MCAT: variants seen among roughly 807,000 people sequenced by gnomAD.
MCAT encodes malonyl-CoA-acyl carrier protein transacylase, also known as malonyl-CoA-acyl carrier protein transacylase, mitochondrial.
MCAT carries 22 observed loss-of-function variants against 22.9 expected under a neutral mutation model. The ratio of observed to expected loss-of-function variants is 0.96; its 90% CI spans 0.69 to 1.37. MCAT has a LOEUF of 1.37. Among genes scored for constraint, MCAT ranks in the 40% most tolerant of loss-of-function variants. The probability of loss-of-function intolerance (pLI) is 0.00; values close to 1 mark genes in which losing one functional copy is unlikely to be tolerated. For synonymous variants in MCAT, 240 were observed against 233.9 expected, an observed-to-expected ratio of 1.03 and a Z score of -0.24; for missense variants, 534 against 533.6, an observed-to-expected ratio of 1.00 and a Z score of -0.01.
In MCAT at chr22:43,137,005, A is replaced by G. The variant is rs893048819; in HGVS notation, c.729+76T>C. Reference sequence around the variant, plus strand: ...TGGACCCAGCACCCGCCAGACTGCTAGGCCTCACGGGTGTGGAGCAGTTCC... The same window carrying G: ...TGGACCCAGCACCCGCCAGACTGCTGGGCCTCACGGGTGTGGAGCAGTTCC... On this transcript the variant is annotated intron_variant, in intron 3 of 3. Transcript: ENST00000290429. 1.3e-5 allele frequency: 17 copies of G among 1,264,874 alleles called. No individual in the cohort carries two copies. In the African/African-American group the frequency reaches 2.4e-4, roughly 18 times the overall value. The allele number at this position is 1,264,874 out of a possible 1,614,324, so 78.4% of individuals were successfully genotyped here.
At position 43,138,515 on chromosome 22, in the gene MCAT, T is replaced by A. The variant is rs541847062; in HGVS notation, c.512-1217A>T. On this transcript the variant is annotated intron_variant, in intron 2 of 3. Coordinates refer to ENST00000290429, the MANE Select transcript of MCAT (RefSeq NM_173467.5). ...ACTTTGGGAGGCCAAGGCAGGCAGA[T>A]CACTTGAGCTCAGGAGTTCGAGACC... 2.0e-5 allele frequency among the ~76,000 whole-genome samples: 3 copies of A among 152,244 alleles called. No homozygotes were observed. In the East Asian group the frequency reaches 5.8e-4, roughly 29 times the overall value.
In MCAT at chr22:43,142,921, C is replaced by G. The variant is rs777010060; in HGVS notation, c.423+5G>C. On this transcript the variant is annotated splice_donor_5th_base_variant and intron_variant, in intron 1 of 3. Transcript: ENST00000290429. ...CCCCTCCTGTCACGGGGCCTCGGGC[C>G]TCACCGAGGGCTGCAGGTGATGTAG... 8 of 1,539,042 alleles carry G rather than the reference C, an allele frequency of 5.2e-6. No individual in the cohort carries two copies. The highest frequency in any genetic ancestry group is 7.0e-6 in the Non-Finnish European group (8 of 1,140,108).
At chr22:43,134,974 AGATCTCT>A (rs1930561338) in intron 3 of MCAT, among the ~76,000 whole-genome samples, 1 of 152,202 alleles carries the variant, frequency 6.6e-6, no homozygotes, top group South Asian at 2.1e-4. Flanking sequence ...TTTCCGTGTA[AGATCTCT>A]GGACTCTGGC....
Position 43,143,145 on chromosome 22 carries a change from C to G in MCAT, c.204G>C (p.Pro68=), listed in dbSNP as rs372994429. 1.1e-5 allele frequency: 18 copies of G among 1,591,732 alleles called. No homozygotes were observed. The highest frequency in any genetic ancestry group is 6.7e-5 in the African/African-American group (5 of 74,668). ...MPGQCSVLLF[P]GQGSQVVGMG... is the part of the protein sequence containing the mutation. Reference sequence around the variant, plus strand: ...TGCCCACCACCTGGCTGCCCTGGCCCGGGAAGAGCAGCACGGAGCACTGGC... The same window carrying G: ...TGCCCACCACCTGGCTGCCCTGGCCGGGGAAGAGCAGCACGGAGCACTGGC... The change falls in exon 1 of 4, where the codon CCG becomes CCC. Residue 68 remains proline (P), a synonymous_variant. Transcript: ENST00000290429.
chr22:43,136,236 C>T (rs1279084142), intron 3 of MCAT, among the ~76,000 whole-genome samples: 1 of 152,168 alleles, frequency 6.6e-6, no homozygotes, highest in African/African-American at 2.4e-5. Context: ...ACAGTGAGAC[C>T]CTGTCTCAAA....
At position 43,141,215 on chromosome 22, in the gene MCAT, C is replaced by A. The variant is rs138625263; in HGVS notation, c.458G>T (p.Ser153Ile). The A allele has an allele frequency of 7.4e-6, 12 of 1,614,040 alleles. No individual in the cohort carries two copies. Among genetic ancestry groups the A allele is most frequent in the East Asian group, 2.2e-5 (1 of 44,906 alleles). Residue 153 changes from serine (S) to isoleucine (I), a missense_variant, in exon 2 of 4, where the codon AGT becomes ATT. Ser to Ile is a moderately radical substitution (Grantham distance 142). Transcript: ENST00000290429. ...IENCVAAAGF[S>I]VGEFAALVFA... The stretch of plus-strand genomic sequence containing the variant: ...CACTAGGGCTGCAAACTCTCCCACA[C>A]TGAATCCAGCAGCAGCAACACAGTT...
intron 2 of MCAT, chr22:43,140,904 A>G (rs143957842): frequency 1.0e-3 from 472 of 462,650 alleles, no homozygotes; most frequent in Middle Eastern, 3.4e-3. Context: ...TGCTGCAGGT[A>G]TGAGTGCACA....
chr22:43,139,570 T>A (rs1048349239), intron 2 of MCAT, among the ~76,000 whole-genome samples: 11 of 128,296 alleles, frequency 8.6e-5, no homozygotes, highest in Non-Finnish European at 1.7e-4. Context: ...AACTATGCTA[T>A]AATTCTGCAC....
chr22:43,133,702 T>C (rs749134240), intron 3 of MCAT, among the ~76,000 whole-genome samples: 10 of 152,086 alleles, frequency 6.6e-5, no homozygotes, highest in Non-Finnish European at 1.5e-4. Flanking sequence ...CACAGTTCCA[T>C]CTACTTCACA....
intron 2 of MCAT, among the ~76,000 whole-genome samples, chr22:43,137,730 C>T (rs1930659762): frequency 7.0e-6 from 1 of 142,298 alleles, no homozygotes; most frequent in Non-Finnish European, 1.5e-5. Context: ...CCCAATAGCG[C>T]CACTGTTTTT....
intron 3 of MCAT, among the ~76,000 whole-genome samples, chr22:43,136,506 C>T (rs1198797623): frequency 1.3e-5 from 2 of 152,218 alleles, no homozygotes; most frequent in African/African-American, 4.8e-5. Flanking sequence ...TGCTCTTAGG[C>T]CCATGAGTAG....
At chr22:43,136,510 T>C (rs1032995413) in intron 3 of MCAT, among the ~76,000 whole-genome samples, 4 of 152,220 alleles carry the variant, frequency 2.6e-5, no homozygotes, top group Non-Finnish European at 4.4e-5. Flanking sequence ...CTTAGGCCCA[T>C]GAGTAGCCAG....
rs1930501213 is a variant in MCAT, at chr22:43,133,198, T to G, written c.1018A>C (p.Arg340=). 6.2e-7 allele frequency: 1 copy of G among 1,614,138 alleles called. No individual in the cohort carries two copies. The highest frequency in any genetic ancestry group is 1.3e-5 in the African/African-American group (1 of 74,954). Residue 340 remains arginine (R), a synonymous_variant, in exon 4 of 4, where the codon AGG becomes CGG. Coordinates refer to ENST00000290429, the MANE Select transcript of MCAT (RefSeq NM_173467.5). ...ACTTCGAAAGTTTGGGGGAACCCCC[T>G]GCCCTTTTTCCTTTCGTATATGGCA... ...MHAIYERKKG[R]GFPQTFEVGP... is the part of the protein sequence containing the mutation.
chr22:43,137,315 G>T lies in MCAT; in HGVS notation c.512-17C>A, dbSNP rs755431291. On this transcript the variant is annotated splice_polypyrimidine_tract_variant and intron_variant, in intron 2 of 3. Coordinates refer to ENST00000290429, the MANE Select transcript of MCAT (RefSeq NM_173467.5). ...CATACAAACCTGGCCAGAGAGAAGC[G>T]CATTTGGAAAAATGAGGGCACAGAA... The T allele has an allele frequency of 6.2e-7, 1 of 1,604,598 alleles. No homozygotes were observed.
At position 43,136,879 on chromosome 22, in the gene MCAT, C is replaced by G. The variant is rs554327245; in HGVS notation, c.729+202G>C. ...TGGCTGGTTGGTTCCAGACCCCATT[C>G]TACACGTGGTGGAGCAGGGCAGCAT... On this transcript the variant is annotated intron_variant, in intron 3 of 3. Transcript: ENST00000290429. Among the ~76,000 whole-genome samples the G allele has an allele frequency of 4.6e-5, 7 of 152,344 alleles. No homozygotes were observed. The South Asian group carries it at 1.5e-3, about 32-fold the overall frequency.
chr22:43,140,619 C>T (rs754358093), intron 2 of MCAT, among the ~76,000 whole-genome samples: 12 of 152,020 alleles, frequency 7.9e-5, no homozygotes, highest in Non-Finnish European at 1.8e-4. Flanking sequence ...AAAGTGCTGG[C>T]ATTACAGGTG....
intron 1 of MCAT, among the ~76,000 whole-genome samples, chr22:43,142,020 T>C (rs1185955288): frequency 6.6e-6 from 1 of 152,244 alleles, no homozygotes; most frequent in Non-Finnish European, 1.5e-5. Flanking sequence ...AATATTATGA[T>C]GACGATTCAA....
Position 43,133,094 on chromosome 22 carries a change from C to A in MCAT, c.1122G>T (p.Val374=), listed in dbSNP as rs1930494903. The part of the protein sequence containing the change: ...QAWKSYSAVD[V]LQTLEHVDLD... ...GGTCCACATGTTCGAGGGTCTGCAG[C>A]ACATCCACGGCGCTGTAGGACTTCC... The change falls in exon 4 of 4, where the codon GTG becomes GTT. Residue 374 remains valine (V), a synonymous_variant. Transcript: ENST00000290429. 5 of 1,614,058 alleles carry A rather than the reference C, an allele frequency of 3.1e-6. No individual in the cohort carries two copies. In the South Asian group the frequency reaches 5.5e-5, roughly 18 times the overall value.
At position 43,132,724 on chromosome 22, in the gene MCAT, CCTTCCCG is replaced by C; in HGVS notation, c.*312_*318del. 2.9e-6 allele frequency: 1 copy of C among 350,278 alleles called. No individual in the cohort carries two copies. The highest frequency in any genetic ancestry group is 3.5e-5 in the South Asian group (1 of 28,948). The allele number at this position is 350,278 out of a possible 1,614,324, so 21.7% of individuals were successfully genotyped here. ...GACAGGCTGCAGCAGCCAGTCCTCCCCTTCCCGCTGAGATGGCACACCTGCCTATGGT... is the reference window on the plus strand; with the variant it reads ...GACAGGCTGCAGCAGCCAGTCCTCCCCTGAGATGGCACACCTGCCTATGGT... On this transcript the variant is annotated 3_prime_UTR_variant, in exon 4 of 4. Coordinates refer to ENST00000290429, the MANE Select transcript of MCAT (RefSeq NM_173467.5).
Sources: gnomAD v4.1 joint callset for allele counts (sites outside exome capture counted in the v4.1 genomes callset) on GRCh38, gnomAD v4.1.1 for gene constraint, MANE v1.5 for transcripts, NCBI Gene and HGNC (gene_info 2026-07-23, HGNC 2026-07-21) for gene names.